The following ASTN2 variants were observed in gnomAD, a reference collection of about 807,000 sequenced individuals.
ASTN2 encodes astrotactin-2.
In ASTN2, 54 loss-of-function variants were observed where a neutral mutation model predicts 139.8. The ratio of observed to expected loss-of-function variants is 0.39; its 90% CI spans 0.31 to 0.48. The LOEUF is 0.48. Ranked by LOEUF, ASTN2 falls within the 20% of genes least tolerant of loss-of-function variation. The pLI is 0.95. For missense variants in ASTN2, 1,565 were observed against 1,725.1 expected (o/e 0.91, Z 1.64); for synonymous variants, 756 against 719.5 (o/e 1.05, Z -0.81).
intron 3 of ASTN2, among the ~76,000 whole-genome samples, chr9:117,166,964 T>C (rs1309404405): frequency 1.3e-5 from 2 of 152,056 alleles, no homozygotes; most frequent in African/African-American, 2.4e-5. Context: ...GGTATGAAAA[T>C]AAAAGGACAT....
chr9:116,738,810 G>T (rs1450038646), intron 13 of ASTN2, among the ~76,000 whole-genome samples: 1 of 152,202 alleles, frequency 6.6e-6, no homozygotes, highest in African/African-American at 2.4e-5. Flanking sequence ...TGAGAGCCCA[G>T]CACGCAGTAA....
At chr9:117,146,187 A>G (rs1830190869) in intron 3 of ASTN2, among the ~76,000 whole-genome samples, 1 of 152,094 alleles carries the variant, frequency 6.6e-6, no homozygotes, top group Non-Finnish European at 1.5e-5. Flanking sequence ...CAAGTTGTCC[A>G]AACAAGCCAC....
intron 3 of ASTN2, among the ~76,000 whole-genome samples, chr9:117,183,526 T>C (rs897420686): frequency 2.0e-5 from 3 of 152,216 alleles, no homozygotes; most frequent in African/African-American, 7.2e-5. Flanking sequence ...GTCTCCATTT[T>C]AGAAACGAGG....
At chr9:116,989,228 G>A (rs1472454196) in intron 7 of ASTN2, among the ~76,000 whole-genome samples, 1 of 152,278 alleles carries the variant, frequency 6.6e-6, no homozygotes, top group East Asian at 1.9e-4. Context: ...TTTCCAGAGT[G>A]CACTTTGAGT....
At chr9:116,986,713 A>G (rs1250014892) in intron 7 of ASTN2, among the ~76,000 whole-genome samples, 2 of 152,214 alleles carry the variant, frequency 1.3e-5, no homozygotes, top group Admixed American at 6.5e-5. Context: ...CCAGAGGGGT[A>G]GTACCCTGCT....
At position 117,360,804 on chromosome 9, in the gene ASTN2, A is replaced by C. The variant is rs911916870; in HGVS notation, c.442+53693T>G. ...AGTCTCTCCATCTGTAAAATGAGGT[A>C]CTTATATTAGATAACTGTGCATATA... On this transcript the variant is annotated intron_variant, in intron 1 of 22. Transcript: ENST00000313400. Among the ~76,000 whole-genome samples, 3 of 152,168 alleles carry C rather than the reference A, an allele frequency of 2.0e-5. No homozygotes were observed. The South Asian group carries it at 6.2e-4, about 32-fold the overall frequency.
chr9:116,460,847 A>C (rs1848465093), intron 20 of ASTN2, among the ~76,000 whole-genome samples: 1 of 152,160 alleles, frequency 6.6e-6, no homozygotes, highest in African/African-American at 2.4e-5. Flanking sequence ...CTGGGCTGTT[A>C]GGAGGATTCT....
chr9:116,811,703 A>T (rs567708442), intron 12 of ASTN2, among the ~76,000 whole-genome samples: 226 of 152,344 alleles, frequency 1.5e-3, no homozygotes, highest in Middle Eastern at 3.4e-3. Context: ...ATTAGAGATA[A>T]CTTATACAAA....
intron 1 of ASTN2, among the ~76,000 whole-genome samples, chr9:117,315,905 T>C (rs1227831057): frequency 6.6e-6 from 1 of 152,208 alleles, no homozygotes; most frequent in Non-Finnish European, 1.5e-5. Context: ...CTCCCCTGAC[T>C]ACACAAAATT....
chr9:117,340,089 T>C (rs1829017569), intron 1 of ASTN2, among the ~76,000 whole-genome samples: 1 of 151,608 alleles, frequency 6.6e-6, no homozygotes, highest in African/African-American at 2.4e-5. Flanking sequence ...CACACACACC[T>C]CTTCATGTCA....
chr9:116,931,740 G>A lies in ASTN2; in HGVS notation c.1889+43468C>T, dbSNP rs547239828. ...AGGGCCAACGAGTAAGCAAGTAAAT[G>A]TTCGATAATACTAAGACATACAAAT... is the stretch of plus-strand genomic sequence containing the variant. On this transcript the variant is annotated intron_variant, in intron 10 of 22. Transcript: ENST00000313400. Among the ~76,000 whole-genome samples the A allele has an allele frequency of 4.6e-5, 7 of 152,288 alleles. No homozygotes were observed. In the South Asian group the frequency reaches 6.2e-4, roughly 14 times the overall value.
intron 1 of ASTN2, among the ~76,000 whole-genome samples, chr9:117,318,377 C>A (rs1828215377): frequency 6.6e-6 from 1 of 152,184 alleles, no homozygotes; most frequent in Non-Finnish European, 1.5e-5. Flanking sequence ...TATGGTGCAT[C>A]TGAATCCAAC....
chr9:117,139,030 T>C (rs1206794856), intron 4 of ASTN2, among the ~76,000 whole-genome samples: 5 of 152,072 alleles, frequency 3.3e-5, no homozygotes, highest in Non-Finnish European at 7.4e-5. Context: ...TGTTAAAAAA[T>C]GAATTCAGGT....
chr9:117,027,983 A>C (rs1838145709), intron 6 of ASTN2, among the ~76,000 whole-genome samples: 1 of 152,174 alleles, frequency 6.6e-6, no homozygotes, highest in South Asian at 2.1e-4. Context: ...AAGATCCATA[A>C]TTAGTAAGTG....
intron 2 of ASTN2, among the ~76,000 whole-genome samples, chr9:117,266,568 G>C (rs1833942842): frequency 1.3e-5 from 2 of 152,330 alleles, no homozygotes; most frequent in South Asian, 4.1e-4. Context: ...CAGCAAGGCT[G>C]CTGAGCATGG....
chr9:116,870,127 CA>C (rs1222524921), intron 10 of ASTN2, among the ~76,000 whole-genome samples: 3 of 149,768 alleles, frequency 2.0e-5, no homozygotes, highest in South Asian at 2.1e-4. Flanking sequence ...GACCCTGTCT[CA>C]AAAAAAATAA....
intron 19 of ASTN2, among the ~76,000 whole-genome samples, chr9:116,509,340 A>G (rs978600063): frequency 6.6e-6 from 1 of 152,122 alleles, no homozygotes; most frequent in African/African-American, 2.4e-5. Context: ...ACATGAACTC[A>G]TCCTTTTTTA....
chr9:117,080,875 T>C (rs974578536), intron 5 of ASTN2, among the ~76,000 whole-genome samples: 2 of 152,136 alleles, frequency 1.3e-5, no homozygotes, highest in African/African-American at 4.8e-5. Flanking sequence ...ATCTACAATG[T>C]GTATTAAATG....
At chr9:117,268,175 C>A (rs929236219) in intron 2 of ASTN2, among the ~76,000 whole-genome samples, 1 of 152,178 alleles carries the variant, frequency 6.6e-6, no homozygotes, top group Non-Finnish European at 1.5e-5. Context: ...CCTCTCTTGT[C>A]CATTAGCTTT....
Sources: allele counts gnomAD v4.1 joint callset (sites outside exome capture counted in the v4.1 genomes callset), GRCh38; gene constraint gnomAD v4.1.1; transcripts MANE v1.5; gene names NCBI Gene and HGNC (gene_info 2026-07-23, HGNC 2026-07-21).